Variants in CDH13 observed in about 807,000 individuals in gnomAD.
CDH13 encodes the protein cadherin-13.
A neutral mutation model predicts 63.8 loss-of-function variants in CDH13; 24 were observed. The ratio of observed to expected loss-of-function variants is 0.38; its 90% confidence interval spans 0.27 to 0.53. The LOEUF is 0.53. Among genes scored for constraint, CDH13 ranks in the 20% least tolerant of loss-of-function variants. The probability of loss-of-function intolerance (pLI) is 0.85; values close to 1 mark genes in which losing one functional copy is unlikely to be tolerated. For missense variants in CDH13, 1,049 were observed against 903.1 expected, an observed-to-expected ratio of 1.16 and a Z score of -2.07; for synonymous variants, 503 against 355.3, an observed-to-expected ratio of 1.42 and a Z score of -4.67.
At chr16:82,765,031 G>C (rs561492086) in intron 1 of CDH13, among the ~76,000 whole-genome samples, 8 of 152,202 alleles carry the variant, frequency 5.3e-5, no homozygotes, top group African/African-American at 1.9e-4. Context: ...GGCCAGGCAG[G>C]TCTCAAACTC....
At chr16:82,776,007 C>G (rs562483094) in intron 1 of CDH13, among the ~76,000 whole-genome samples, 2 of 152,230 alleles carry the variant, frequency 1.3e-5, no homozygotes, top group East Asian at 1.9e-4. Context: ...GCCAGGAGTT[C>G]AAGACCAGTC....
At chr16:82,663,907 C>A (rs1912278612) in intron 1 of CDH13, among the ~76,000 whole-genome samples, 2 of 152,196 alleles carry the variant, frequency 1.3e-5, no homozygotes, top group South Asian at 2.1e-4. Flanking sequence ...CTCTACCCTC[C>A]CTCCTCCTAC....
At chr16:82,993,411 G>GA (rs113554799) in intron 2 of CDH13, among the ~76,000 whole-genome samples, 5 of 151,722 alleles carry the variant, frequency 3.3e-5, no homozygotes, top group Non-Finnish European at 5.9e-5. Context: ...TGACTCAGTT[G>GA]AAAAAAAACA....
At chr16:82,959,306 A>G (rs1685496938) in intron 2 of CDH13, among the ~76,000 whole-genome samples, 1 of 152,160 alleles carries the variant, frequency 6.6e-6, no homozygotes, top group South Asian at 2.1e-4. Flanking sequence ...TTTCACTCAA[A>G]CCTGCATGGT....
intron 3 of CDH13, among the ~76,000 whole-genome samples, chr16:83,084,575 A>G (rs1188182425): frequency 6.6e-6 from 1 of 152,186 alleles, no homozygotes; most frequent in Non-Finnish European, 1.5e-5. Context: ...GGCTGCAGAT[A>G]TGTGACACAG....
intron 1 of CDH13, among the ~76,000 whole-genome samples, chr16:82,731,985 C>G (rs1228371924): frequency 2.0e-5 from 3 of 152,132 alleles, no homozygotes; most frequent in African/African-American, 7.2e-5. Flanking sequence ...CTTTGCCTAC[C>G]TAACTCCTCC....
intron 3 of CDH13, among the ~76,000 whole-genome samples, chr16:83,101,897 C>A (rs1187750480): frequency 6.6e-6 from 1 of 152,132 alleles, no homozygotes; most frequent in Non-Finnish European, 1.5e-5. Context: ...GAAGACAGAA[C>A]CAAGGCCCCA....
At chr16:82,727,728 C>A (rs1199075474) in intron 1 of CDH13, 1 of 152,126 alleles carries the variant, frequency 6.6e-6, no homozygotes, top group Admixed American at 6.6e-5. Flanking sequence ...CAGTAGCTGG[C>A]TTAGTTCTGC....
At chr16:82,699,962 G>A (rs1028144535) in intron 1 of CDH13, among the ~76,000 whole-genome samples, 1 of 152,232 alleles carries the variant, frequency 6.6e-6, no homozygotes, top group Non-Finnish European at 1.5e-5. Context: ...GCATTTGCCT[G>A]CAAGTTGCCA....
At chr16:83,163,600 A>G (rs2037539509) in intron 4 of CDH13, among the ~76,000 whole-genome samples, 1 of 152,118 alleles carries the variant, frequency 6.6e-6, no homozygotes, top group Admixed American at 6.6e-5. Flanking sequence ...TTGCCTTTGC[A>G]GTCAGATGGA....
At chr16:83,427,125 A>C (rs1312756976) in intron 6 of CDH13, among the ~76,000 whole-genome samples, 1 of 151,212 alleles carries the variant, frequency 6.6e-6, no homozygotes, top group Non-Finnish European at 1.5e-5. Context: ...ACGGGGTTTC[A>C]CCGTGGTCTC....
chr16:83,468,723 A>T lies in CDH13; in HGVS notation c.782-17754A>T, dbSNP rs539409505. 3.3e-5 allele frequency among the ~76,000 whole-genome samples: 5 copies of T among 152,206 alleles called. No individual in the cohort carries two copies. The South Asian group carries it at 1.0e-3, about 32-fold the overall frequency. Reference sequence around the variant, plus strand: ...TCCTTCCCTTCTTTGTTCTTGATGAAGTTGAGCTGCCTATAAATCATCGTC... The same window carrying T: ...TCCTTCCCTTCTTTGTTCTTGATGATGTTGAGCTGCCTATAAATCATCGTC... On this transcript the variant is annotated intron_variant, in intron 6 of 13. Transcript: ENST00000567109.
chr16:83,031,997 G>C lies in CDH13; in HGVS notation c.158-13G>C, dbSNP rs183211035. The C allele has an allele frequency of 1.9e-6, 3 of 1,567,356 alleles. No homozygotes were observed. Among genetic ancestry groups the C allele is most frequent in the South Asian group, 1.2e-5 (1 of 85,256 alleles). On this transcript the variant is annotated splice_polypyrimidine_tract_variant and intron_variant, in intron 2 of 13. Transcript: ENST00000567109. ...CTACTCATGCTCCTTCTGTTGTTTCGTTTGTTTCCCAGTGACCTTCAGTGA... is the reference window on the plus strand; with the variant it reads ...CTACTCATGCTCCTTCTGTTGTTTCCTTTGTTTCCCAGTGACCTTCAGTGA...
chr16:83,109,785 C>G (rs1353261674), intron 3 of CDH13, among the ~76,000 whole-genome samples: 1 of 152,200 alleles, frequency 6.6e-6, no homozygotes, highest in Non-Finnish European at 1.5e-5. Context: ...AGTGCCAGAG[C>G]AGATAGAGGG....
intron 1 of CDH13, among the ~76,000 whole-genome samples, chr16:82,769,732 C>T (rs1007280130): frequency 6.6e-6 from 1 of 152,146 alleles, no homozygotes; most frequent in African/African-American, 2.4e-5. Flanking sequence ...AGACATGTGC[C>T]CACCAGGTGG....
intron 6 of CDH13, among the ~76,000 whole-genome samples, chr16:83,477,028 T>C (rs1230208395): frequency 6.6e-6 from 1 of 152,178 alleles, no homozygotes; most frequent in Non-Finnish European, 1.5e-5. Flanking sequence ...GTAAAATGAA[T>C]CATGATGGGG....
chr16:82,726,907 G>A (rs2033127854), intron 1 of CDH13, among the ~76,000 whole-genome samples: 1 of 152,182 alleles, frequency 6.6e-6, no homozygotes, highest in African/African-American at 2.4e-5. Flanking sequence ...TTCTGTCTGA[G>A]GCCAGAGTTA....
chr16:83,503,149 G>A (rs1171136013), intron 7 of CDH13, among the ~76,000 whole-genome samples: 1 of 152,168 alleles, frequency 6.6e-6, no homozygotes, highest in Non-Finnish European at 1.5e-5. Context: ...GTAAGCAAGG[G>A]GTATAAAGTG....
chr16:82,952,443 C>T (rs7186594), intron 2 of CDH13, among the ~76,000 whole-genome samples: 1 of 151,906 alleles, frequency 6.6e-6, no homozygotes, highest in South Asian at 2.1e-4. Flanking sequence ...GCATTCATGC[C>T]CGTAAGTTAT....
Sources: allele counts gnomAD v4.1 joint callset (sites outside exome capture counted in the v4.1 genomes callset), GRCh38; gene constraint gnomAD v4.1.1; transcripts MANE v1.5; gene names NCBI Gene and HGNC (gene_info 2026-07-23, HGNC 2026-07-21).